Variants in MYO1E observed in about 807,000 individuals in gnomAD.
MYO1E encodes unconventional myosin-Ie.
Under a neutral mutation model 151.1 loss-of-function variants are expected in MYO1E, and 68 were observed. The ratio of observed to expected loss-of-function variants is 0.45; its 90% CI spans 0.37 to 0.55. The LOEUF is 0.55. Ranked by LOEUF, MYO1E falls within the 20% of genes least tolerant of loss-of-function variation. The probability of loss-of-function intolerance (pLI) is 0.00; values close to 1 mark genes in which losing one functional copy is unlikely to be tolerated. For synonymous variants in MYO1E, 601 were observed against 501.7 expected, an observed-to-expected ratio of 1.20 and a Z score of -2.64; for missense variants, 1,363 against 1,389.3, an observed-to-expected ratio of 0.98 and a Z score of 0.30.
intron 1 of MYO1E, among the ~76,000 whole-genome samples, chr15:59,360,631 T>G (rs1280292118): frequency 6.6e-6 from 1 of 152,152 alleles, no homozygotes; most frequent in African/African-American, 2.4e-5. Context: ...TTAGCTTCTG[T>G]TTTTGCCCTT....
At chr15:59,259,334 C>A (rs893283916) in intron 3 of MYO1E, among the ~76,000 whole-genome samples, 19 of 152,112 alleles carry the variant, frequency 1.2e-4, no homozygotes, top group African/African-American at 4.1e-4. Flanking sequence ...TTTAAAGTTT[C>A]GATTATGTCA....
rs760498983 is a variant in MYO1E, at chr15:59,178,423, C to T, written c.2019G>A (p.Arg673=). 2 of 1,614,214 alleles carry T rather than the reference C, an allele frequency of 1.2e-6. No homozygotes were observed. Among genetic ancestry groups the T allele is most frequent in the East Asian group, 4.5e-5 (2 of 44,886 alleles). Residue 673 remains arginine (R), a synonymous_variant, in exon 19 of 28, where the codon AGG becomes AGA. Transcript: ENST00000288235. The part of the protein sequence containing the change: ...NMDSDQFQLG[R]SKVFIKAPES... ...CGGGGGCTTTGATGAACACTTTACT[C>T]CTCCCCAGCTGGAACTGGTCGCTGT...
At chr15:59,242,334 C>T (rs796543692) in intron 4 of MYO1E, among the ~76,000 whole-genome samples, 7 of 152,106 alleles carry the variant, frequency 4.6e-5, no homozygotes, top group African/African-American at 1.7e-4. Context: ...TATAACTGTG[C>T]CAAAAGGTAA....
chr15:59,316,859 C>G (rs113270701), intron 1 of MYO1E, among the ~76,000 whole-genome samples: 22 of 152,290 alleles, frequency 1.4e-4, no homozygotes, highest in African/African-American at 5.3e-4. Context: ...GGAAATAAAT[C>G]TGGAATCCAC....
At chr15:59,200,774 G>A (rs1249947709) in intron 16 of MYO1E, among the ~76,000 whole-genome samples, 2 of 152,164 alleles carry the variant, frequency 1.3e-5, no homozygotes, top group African/African-American at 4.8e-5. Context: ...TTATGAAGCT[G>A]AATCATCACA....
chr15:59,232,922 T>G (rs958973339), intron 5 of MYO1E, among the ~76,000 whole-genome samples: 1 of 152,086 alleles, frequency 6.6e-6, no homozygotes, highest in African/African-American at 2.4e-5. Flanking sequence ...GGGCTTTCAT[T>G]GTGACGAGGG....
intron 4 of MYO1E, among the ~76,000 whole-genome samples, chr15:59,254,988 G>A (rs1479208905): frequency 6.6e-6 from 1 of 152,012 alleles, no homozygotes; most frequent in Non-Finnish European, 1.5e-5. Flanking sequence ...ACCACACCTG[G>A]CTAATTTTTG....
chr15:59,347,541 GAATTT>G (rs2080801417), intron 1 of MYO1E, among the ~76,000 whole-genome samples: 1 of 152,074 alleles, frequency 6.6e-6, no homozygotes, highest in African/African-American at 2.4e-5. Flanking sequence ...ACTTAAAAAG[GAATTT>G]AATTAGTAAA....
At chr15:59,291,142 G>C (rs1349550838) in intron 1 of MYO1E, among the ~76,000 whole-genome samples, 1 of 152,206 alleles carries the variant, frequency 6.6e-6, no homozygotes, top group Admixed American at 6.5e-5. Flanking sequence ...GTTTCTGGTT[G>C]CAAAAATGCT....
chr15:59,218,462 C>A (rs979232764), intron 9 of MYO1E, among the ~76,000 whole-genome samples: 2 of 152,242 alleles, frequency 1.3e-5, no homozygotes, highest in Non-Finnish European at 2.9e-5. Context: ...AATCAAGAAA[C>A]ATTTCTTTGG....
At chr15:59,219,188 C>G (rs1167186612) in intron 9 of MYO1E, among the ~76,000 whole-genome samples, 1 of 152,068 alleles carries the variant, frequency 6.6e-6, no homozygotes, top group Non-Finnish European at 1.5e-5. Context: ...TTGTTTCAGA[C>G]CATGAAACTT....
At chr15:59,183,270 A>G (rs1362020093) in intron 18 of MYO1E, among the ~76,000 whole-genome samples, 1 of 152,192 alleles carries the variant, frequency 6.6e-6, no homozygotes, top group Non-Finnish European at 1.5e-5. Flanking sequence ...ACAAGGTAGA[A>G]GGAAGGAGGT....
intron 1 of MYO1E, among the ~76,000 whole-genome samples, chr15:59,318,714 T>C (rs1023474260): frequency 1.3e-5 from 2 of 152,176 alleles, no homozygotes; most frequent in African/African-American, 4.8e-5. Flanking sequence ...GTACTTACTG[T>C]TTGCCAGGCA....
intron 26 of MYO1E, among the ~76,000 whole-genome samples, chr15:59,150,303 T>C (rs1034688997): frequency 7.9e-5 from 12 of 152,166 alleles, no homozygotes; most frequent in African/African-American, 2.9e-4. Context: ...GTCTTTAGGC[T>C]GGAGGGTGGC....
At chr15:59,183,087 C>T (rs1269016246) in intron 18 of MYO1E, among the ~76,000 whole-genome samples, 2 of 152,168 alleles carry the variant, frequency 1.3e-5, no homozygotes, top group Non-Finnish European at 2.9e-5. Context: ...TCACCTCCTA[C>T]TGTAAGGCCC....
chr15:59,326,335 T>C (rs146954454), intron 1 of MYO1E, among the ~76,000 whole-genome samples: 4,058 of 151,786 alleles, frequency 0.027, 68 homozygotes, highest in Non-Finnish European at 0.04. Flanking sequence ...CTGGCCAACA[T>C]GGTGAAACCC....
intron 2 of MYO1E, among the ~76,000 whole-genome samples, chr15:59,267,082 G>A (rs1449981610): frequency 7.9e-6 from 1 of 127,310 alleles, no homozygotes; most frequent in Non-Finnish European, 1.6e-5. Flanking sequence ...CCGGAGTGCA[G>A]TGGTGCAATC....
intron 1 of MYO1E, among the ~76,000 whole-genome samples, chr15:59,325,181 G>T (rs983342166): frequency 6.6e-6 from 1 of 151,980 alleles, no homozygotes; most frequent in African/African-American, 2.4e-5. Context: ...GACTACAGGC[G>T]CCCGTCACCA....
intron 1 of MYO1E, among the ~76,000 whole-genome samples, chr15:59,320,267 A>G (rs921786460): frequency 1.3e-5 from 2 of 152,226 alleles, no homozygotes; most frequent in Non-Finnish European, 2.9e-5. Context: ...TACAGATTCT[A>G]TGCTATTTCT....
Sources: gnomAD v4.1 joint callset for allele counts (sites outside exome capture counted in the v4.1 genomes callset) on GRCh38, gnomAD v4.1.1 for gene constraint, MANE v1.5 for transcripts, NCBI Gene and HGNC (gene_info 2026-07-23, HGNC 2026-07-21) for gene names.